SORBS2: variants seen among roughly 807,000 people sequenced by gnomAD.
The protein encoded by SORBS2 is sorbin and SH3 domain-containing protein 2.
Under a neutral mutation model 97.7 loss-of-function variants are expected in SORBS2, and 46 were observed. That is an observed-to-expected ratio of 0.47 (90% confidence interval 0.37 to 0.60). SORBS2 has a LOEUF of 0.60. SORBS2 is among the 20% of genes least tolerant of loss of function. SORBS2 has a pLI of 0.00. For synonymous variants in SORBS2, 476 were observed against 473.4 expected, an observed-to-expected ratio of 1.01 and a Z score of -0.07; for missense variants, 1,316 against 1,282.3, an observed-to-expected ratio of 1.03 and a Z score of -0.40.
At chr4:185,790,942 T>C (rs1184423546) in intron 1 of SORBS2, among the ~76,000 whole-genome samples, 1 of 152,224 alleles carries the variant, frequency 6.6e-6, no homozygotes, top group Non-Finnish European at 1.5e-5. Context: ...GAATATTCCA[T>C]ACTCTCTGTT....
intron 1 of SORBS2, among the ~76,000 whole-genome samples, chr4:185,887,142 C>A (rs530817995): frequency 1.3e-5 from 2 of 152,160 alleles, no homozygotes; most frequent in East Asian, 1.9e-4. Context: ...AGAGGGTCCA[C>A]GAGCCCATAT....
At position 185,613,477 on chromosome 4, in the gene SORBS2, A is replaced by G. The variant is rs1405228047; in HGVS notation, c.2595+1354T>C. 2.6e-5 allele frequency among the ~76,000 whole-genome samples: 4 copies of G among 151,008 alleles called. No homozygotes were observed. In the South Asian group the frequency reaches 8.4e-4, roughly 32 times the overall value. ...AGCCTGGCCAACATAGTGAAACCCCATCTCTACTAAAAATACAAAAATTAG... is the reference window on the plus strand; with the variant it reads ...AGCCTGGCCAACATAGTGAAACCCCGTCTCTACTAAAAATACAAAAATTAG... On this transcript the variant is annotated intron_variant, in intron 11 of 14. Transcript: ENST00000418609.
chr4:185,623,827 C>T lies in SORBS2; in HGVS notation c.1302G>A (p.Met434Ile), dbSNP rs142581227. The T allele has an allele frequency of 9.2e-4, 1,492 of 1,614,186 alleles. 8 individuals carry two copies. Among genetic ancestry groups the T allele is most frequent in the Non-Finnish European group, 3.6e-4 (425 of 1,180,032 alleles). ...GTGGTTCTAGGGTTACGGGAGACAG[C>T]ATGTCATCCCCTAAATTTGGCATGG... Residue 434 changes from methionine to isoleucine, a missense_variant, in exon 7 of 15, where the codon ATG (methionine) becomes ATA (isoleucine). Physicochemically the swap from Met to Ile is conservative, Grantham distance 10. Transcript: ENST00000418609. The surrounding 1 kb of genome is among the most constrained non-coding windows in gnomAD (Gnocchi z 6.4).
At chr4:185,867,557 T>C (rs148546682) in intron 1 of SORBS2, among the ~76,000 whole-genome samples, 21 of 152,280 alleles carry the variant, frequency 1.4e-4, no homozygotes, top group African/African-American at 5.1e-4. Flanking sequence ...GTCCAAGAAG[T>C]CAGAGGGAGG....
chr4:185,868,347 A>G (rs6837566), intron 1 of SORBS2, among the ~76,000 whole-genome samples: 17,028 of 150,966 alleles, frequency 0.11, 1,009 homozygotes, highest in Middle Eastern at 0.18. Flanking sequence ...CAGTAGAGAC[A>G]GGGTTTCACT....
chr4:185,730,153 T>C lies in SORBS2; in HGVS notation c.-198+45074A>G, dbSNP rs544030660. 1.1e-3 allele frequency among the ~76,000 whole-genome samples: 174 copies of C among 152,168 alleles called. 5 individuals are homozygous for C. The East Asian group carries it at 0.023, about 20-fold the overall frequency. On this transcript the variant is annotated intron_variant, in intron 2 of 20. Coordinates refer to the SORBS2 transcript ENST00000284776. ...ATTTTTAGTAGAGACGGGGTTTCAC[T>C]GTGTTAGCCAGGATGGTCTCGATCT...
chr4:185,939,179 A>G (rs1452285997), intron 1 of SORBS2, among the ~76,000 whole-genome samples: 2 of 152,148 alleles, frequency 1.3e-5, no homozygotes, highest in African/African-American at 4.8e-5. Context: ...CCCTGAATGC[A>G]CCATTTTACC....
intron 1 of SORBS2, 113 bp downstream of exon 1, chr4:185,811,541 GTGTATGTGTC>G (rs2099185218): frequency 6.6e-6 from 1 of 152,214 alleles, no homozygotes; most frequent in African/African-American, 2.4e-5. Flanking sequence ...GTATGCGTGT[GTGTATGTGTC>G]TGTGTATGTT....
intron 1 of SORBS2, among the ~76,000 whole-genome samples, chr4:185,833,818 C>G (rs2099206439): frequency 6.6e-6 from 1 of 152,136 alleles, no homozygotes; most frequent in Non-Finnish European, 1.5e-5. Flanking sequence ...AAATGCAACA[C>G]TACAATCATA....
chr4:185,586,486 A>AATT (rs2095802485), exon 15 of SORBS2: 1 of 152,688 alleles, frequency 6.5e-6, no homozygotes, highest in African/African-American at 2.4e-5. Context: ...GAAGAAAAAT[A>AATT]ATTATTATAG....
chr4:185,847,742 T>A (rs1449115001), intron 1 of SORBS2, among the ~76,000 whole-genome samples: 3 of 152,126 alleles, frequency 2.0e-5, no homozygotes, highest in Admixed American at 6.6e-5. Context: ...TTCCAAGCAG[T>A]AAGTTGTACC....
intron 2 of SORBS2, among the ~76,000 whole-genome samples, chr4:185,737,310 G>T (rs34253664): frequency 0.23 from 34,687 of 152,020 alleles, 4,645 homozygotes; most frequent in South Asian, 0.3. Context: ...AAGCAAAGTG[G>T]CTGGGGACAG....
chr4:185,874,165 T>C (rs549345232), intron 1 of SORBS2, among the ~76,000 whole-genome samples: 2 of 152,304 alleles, frequency 1.3e-5, no homozygotes, highest in African/African-American at 4.8e-5. Context: ...GAGATTGAAC[T>C]ACGGTTTGCT....
At chr4:185,781,663 ATTGCCTCCG>A in intron 1 of SORBS2, among the ~76,000 whole-genome samples, 1 of 52,580 alleles carries the variant, frequency 1.9e-5, no homozygotes, top group South Asian at 4.3e-4. Flanking sequence ...CGTCCCTTCC[ATTGCCTCCG>A]GCCTCTCCAG....
At position 185,709,307 on chromosome 4, in the gene SORBS2, T is replaced by C. The variant is rs1330624273; in HGVS notation, c.-197-30485A>G. Among the ~76,000 whole-genome samples the C allele has an allele frequency of 3.5e-5, 5 of 144,258 alleles. No individual in the cohort carries two copies. The South Asian group carries it at 8.8e-4, about 25-fold the overall frequency. 94.6% of individuals were successfully genotyped at this position (144,258 alleles called of 152,430 possible). A position where few individuals can be genotyped will look rare whatever the true frequency, so the allele number is the denominator to read the frequency against. ...TGAGCCGCTGTGCTGGCCAAATCTT[T>C]TTTTTTTTTTTTTTTTTAGTAAAAG... On this transcript the variant is annotated intron_variant, in intron 2 of 20. Coordinates refer to the SORBS2 transcript ENST00000284776.
intron 1 of SORBS2, 56 bp from the exon 2 acceptor site, chr4:185,775,422 C>CTGGG (rs1254237613): frequency 1.3e-5 from 2 of 152,524 alleles, no homozygotes; most frequent in Non-Finnish European, 2.9e-5. Flanking sequence ...ATCCCAGCTG[C>CTGGG]TGGGTGGTGC....
chr4:185,624,205 G>A (rs766968319), exon 7 of SORBS2: 1 of 1,614,222 alleles, frequency 6.2e-7, no homozygotes, highest in Non-Finnish European at 8.5e-7. Flanking sequence ...GGGAGCCCAT[G>A]CTTTCCGACT....
intron 2 of SORBS2, among the ~76,000 whole-genome samples, chr4:185,735,034 A>AAAAGG (rs2098674149): frequency 6.6e-6 from 1 of 152,262 alleles, no homozygotes; most frequent in Non-Finnish European, 1.5e-5. Flanking sequence ...GTGCAGACAG[A>AAAAGG]AAAGGATCAC....
chr4:185,823,656 A>G lies in SORBS2; in HGVS notation c.-337-48290T>C, dbSNP rs140644742. On this transcript the variant is annotated intron_variant, in intron 1 of 20. Coordinates refer to the SORBS2 transcript ENST00000284776. ...CTTTGATGAATATTAAAAAAAATTCAGTGAGAAGATGGAGACTTGTTTTAT... is the reference window on the plus strand; with the variant it reads ...CTTTGATGAATATTAAAAAAAATTCGGTGAGAAGATGGAGACTTGTTTTAT... Among the ~76,000 whole-genome samples the G allele has an allele frequency of 4.8e-4, 73 of 152,294 alleles. No individual in the cohort carries two copies. In the East Asian group the frequency reaches 0.013, roughly 27 times the overall value.
Sources: gnomAD v4.1 joint callset for allele counts (sites outside exome capture counted in the v4.1 genomes callset) on GRCh38, gnomAD v4.1.1 for gene constraint, Gnocchi (gnomAD v3.1) non-coding constraint, MANE v1.5 for transcripts, NCBI Gene and HGNC (gene_info 2026-07-23, HGNC 2026-07-21) for gene names.